The following SRFBP1 variants were observed in gnomAD, a reference collection of about 807,000 sequenced individuals.
SRFBP1 encodes the protein serum response factor binding protein 1.
A neutral mutation model predicts 45.5 loss-of-function variants in SRFBP1; 47 were observed. The observed-to-expected ratio is 1.03, with a 90% CI of 0.82 to 1.32. The LOEUF is 1.32. SRFBP1 is among the 40% of genes most tolerant of loss of function. The pLI is 0.00. For synonymous variants in SRFBP1, 203 were observed against 166.3 expected (o/e 1.22, Z -1.70); for missense variants, 621 against 484.6 (o/e 1.28, Z -2.64).
chr5:121,981,956 TCTA>T (rs1191995198), intron 3 of SRFBP1, among the ~76,000 whole-genome samples: 3 of 152,088 alleles, frequency 2.0e-5, no homozygotes, highest in African/African-American at 7.2e-5. Context: ...CTGAGTGACT[TCTA>T]CTGCAATTTT....
intron 4 of SRFBP1, among the ~76,000 whole-genome samples, chr5:121,995,232 C>T (rs573590768): frequency 6.6e-6 from 1 of 151,832 alleles, no homozygotes. Flanking sequence ...CACCACACCA[C>T]ACCTATTCCA....
chr5:121,962,157 T>G, intron 1 of SRFBP1, 89 bp downstream of exon 1: 2 of 1,545,326 alleles, frequency 1.3e-6, no homozygotes, highest in Non-Finnish European at 1.8e-6. Flanking sequence ...GCATAGAGGG[T>G]GCGGTTGGAG....
intron 2 of SRFBP1, among the ~76,000 whole-genome samples, chr5:122,055,689 G>A (rs1277891208): frequency 6.6e-6 from 1 of 152,096 alleles, no homozygotes; most frequent in East Asian, 1.9e-4. Context: ...AGGGAAAGAA[G>A]GATGATTTCT....
At chr5:121,963,169 TG>T (rs1489025024) in intron 1 of SRFBP1, among the ~76,000 whole-genome samples, 1 of 152,054 alleles carries the variant, frequency 6.6e-6, no homozygotes, top group Non-Finnish European at 1.5e-5. Flanking sequence ...GAAGAACCCG[TG>T]GGTAATACAG....
intron 1 of SRFBP1, 137 bp from the exon 2 acceptor site, chr5:121,974,059 C>A: frequency 3.5e-6 from 2 of 563,820 alleles, no homozygotes; most frequent in Non-Finnish European, 6.3e-6. Context: ...GGTTTGATTT[C>A]ATCAAGCTAC....
rs559839260 is a variant in SRFBP1 at position 122,070,660 on chromosome 5, T to C, written n.312-4655T>C. ...GACTATGATAAATAATATGCTATTA[T>C]TTGCAAATTAAATTTTAAGTTAGTA... On this transcript the variant is annotated intron_variant and non_coding_transcript_variant, in intron 2 of 2. Transcript: ENST00000504881. 368 of 770,916 alleles carry C rather than the reference T, an allele frequency of 4.8e-4. 1 individual carries two copies. Among genetic ancestry groups the C allele is most frequent in the Non-Finnish European group, 1.0e-4 (47 of 464,398 alleles). The allele number at this position is 770,916 out of a possible 1,614,324, so 47.8% of individuals were successfully genotyped here.
At chr5:122,049,146 C>A (rs895881789) in intron 2 of SRFBP1, among the ~76,000 whole-genome samples, 23 of 151,448 alleles carry the variant, frequency 1.5e-4, no homozygotes, top group African/African-American at 5.6e-4. Context: ...GTTAGGGTGT[C>A]AATACATAGG....
chr5:121,999,778 T>C (rs113392775), intron 4 of SRFBP1, among the ~76,000 whole-genome samples: 1 of 152,118 alleles, frequency 6.6e-6, no homozygotes, highest in African/African-American at 2.4e-5. Flanking sequence ...GGTTAGTGTT[T>C]ACATTCAATA....
At chr5:122,011,830 T>G (rs1753100399) in intron 4 of SRFBP1, among the ~76,000 whole-genome samples, 1 of 151,944 alleles carries the variant, frequency 6.6e-6, no homozygotes, top group Non-Finnish European at 1.5e-5. Flanking sequence ...GTTTCTGCAG[T>G]AACCCAGTGC....
chr5:121,972,689 G>A (rs1752224069), intron 1 of SRFBP1, among the ~76,000 whole-genome samples: 1 of 151,764 alleles, frequency 6.6e-6, no homozygotes, highest in Admixed American at 6.6e-5. Flanking sequence ...TGGATTGGTG[G>A]TCCTAATGAA....
chr5:122,001,537 C>G (rs923156643), intron 4 of SRFBP1, among the ~76,000 whole-genome samples: 2 of 143,940 alleles, frequency 1.4e-5, no homozygotes, highest in Non-Finnish European at 1.5e-5. Context: ...CCAAGTCATC[C>G]TTTGGTATCT....
At chr5:121,962,186 C>G in intron 1 of SRFBP1, 118 bp downstream of exon 1, 1 of 1,313,892 alleles carries the variant, frequency 7.6e-7, no homozygotes. Flanking sequence ...GTGGTGGGCC[C>G]AGGCGGGTTT....
At chr5:122,034,424 C>A (rs1032183285) in intron 2 of SRFBP1, among the ~76,000 whole-genome samples, 16 of 151,710 alleles carry the variant, frequency 1.1e-4, no homozygotes, top group African/African-American at 3.9e-4. Context: ...TTTGCTTATA[C>A]TTTTTTTAAT....
At position 122,059,778 on chromosome 5, in the gene SRFBP1, T is replaced by C. The variant is rs183124289; in HGVS notation, n.312-15537T>C. Among the ~76,000 whole-genome samples the C allele has an allele frequency of 3.7e-3, 568 of 152,194 alleles. 10 individuals are homozygous for C. Among genetic ancestry groups the C allele is most frequent in the South Asian group, 0.022 (108 of 4,818 alleles). On this transcript the variant is annotated intron_variant and non_coding_transcript_variant, in intron 2 of 2. Coordinates refer to the SRFBP1 transcript ENST00000504881. Reference sequence around the variant, plus strand: ...CTGTAAGTGTGTTAAAAGTACACTATAACTAACAGAAGTAAAGAGTGCAAC... The same window carrying C: ...CTGTAAGTGTGTTAAAAGTACACTACAACTAACAGAAGTAAAGAGTGCAAC...
intron 2 of SRFBP1, among the ~76,000 whole-genome samples, chr5:122,035,162 T>C (rs930125216): frequency 6.7e-6 from 1 of 150,330 alleles, no homozygotes; most frequent in African/African-American, 2.5e-5. Context: ...TTTTTGTTGT[T>C]GTTTGTTTGT....
intron 2 of SRFBP1, among the ~76,000 whole-genome samples, chr5:122,041,640 A>T (rs1421044779): frequency 3.3e-5 from 5 of 152,108 alleles, no homozygotes; most frequent in Admixed American, 2.0e-4. Context: ...TGTGAAGGTT[A>T]TGAACTCCTA....
At chr5:122,005,613 A>G (rs1486134711) in intron 4 of SRFBP1, among the ~76,000 whole-genome samples, 3 of 152,018 alleles carry the variant, frequency 2.0e-5, no homozygotes, top group Admixed American at 6.5e-5. Context: ...TTCAGCCACT[A>G]TGTGTTATGA....
At chr5:122,054,218 T>G (rs978843301) in intron 2 of SRFBP1, among the ~76,000 whole-genome samples, 8 of 152,266 alleles carry the variant, frequency 5.3e-5, no homozygotes, top group Middle Eastern at 3.4e-3. Context: ...TCTGGGAGTG[T>G]GGTAGGGGTT....
At chr5:122,078,209 C>T (rs927109827), downstream of SRFBP1, 5 of 429,076 alleles carry the variant, frequency 1.2e-5, no homozygotes, top group East Asian at 1.8e-4. Context: ...TTTCTCAGTC[C>T]TGGAAGGCAA....
Sources: allele counts gnomAD v4.1 joint callset (sites outside exome capture counted in the v4.1 genomes callset), GRCh38; gene constraint gnomAD v4.1.1; transcripts MANE v1.5; gene names NCBI Gene and HGNC (gene_info 2026-07-23, HGNC 2026-07-21).